Variants in DDX60 observed in about 807,000 individuals in gnomAD.
DDX60 encodes the protein DExD/H-box helicase 60, also known as probable ATP-dependent RNA helicase DDX60.
Under a neutral mutation model 212.8 loss-of-function variants are expected in DDX60, and 165 were observed. That is an observed-to-expected ratio of 0.78 (90% CI 0.68 to 0.88). DDX60 has a LOEUF of 0.88. Among genes scored for constraint, DDX60 ranks in the 40% least tolerant of loss-of-function variants. The probability of loss-of-function intolerance (pLI) is 0.00; values close to 1 mark genes in which losing one functional copy is unlikely to be tolerated. For synonymous variants in DDX60, 703 were observed against 685.3 expected (o/e 1.03, Z -0.40); for missense variants, 1,905 against 2,003.9 (o/e 0.95, Z 0.94).
At chr4:168,317,236 A>C (rs980102831) in intron 1 of DDX60, among the ~76,000 whole-genome samples, 1 of 152,024 alleles carries the variant, frequency 6.6e-6, no homozygotes, top group Non-Finnish European at 1.5e-5. Context: ...AACAGGACAC[A>C]CACATACAAA....
chr4:168,288,352 T>A (rs747240735), intron 8 of DDX60, 37 bp from the exon 9 acceptor site: 1 of 1,380,310 alleles, frequency 7.2e-7, no homozygotes, highest in East Asian at 2.5e-5. Context: ...ATTGGCAATA[T>A]TCATATTAGC....
Position 168,277,499 on chromosome 4 carries a change from G to A in DDX60, c.1979-1318C>T, listed in dbSNP as rs78509880. On this transcript the variant is annotated intron_variant, in intron 14 of 37. Coordinates refer to ENST00000393743, the MANE Select transcript of DDX60 (RefSeq NM_017631.6). ...TAAAATACAAAATTGTCCTTTTATTGGTGGTGTCAGGGATCTGAGCTAAAC... is the reference window on the plus strand; with the variant it reads ...TAAAATACAAAATTGTCCTTTTATTAGTGGTGTCAGGGATCTGAGCTAAAC... 6.0e-4 allele frequency among the ~76,000 whole-genome samples: 92 copies of A among 152,176 alleles called. 1 individual carries two copies. In the East Asian group the frequency reaches 0.015, roughly 26 times the overall value.
chr4:168,259,174 T>G (rs1560833383), intron 25 of DDX60, among the ~76,000 whole-genome samples: 1 of 152,204 alleles, frequency 6.6e-6, no homozygotes. Flanking sequence ...TCAGTCTAAT[T>G]CTGAGGCCCA....
rs1366479280 is a variant in DDX60 at position 168,287,179 on chromosome 4, G to A, written c.1208C>T (p.Thr403Ile). 1 of 1,608,348 alleles carries A rather than the reference G, an allele frequency of 6.2e-7. No homozygotes were observed. Among genetic ancestry groups the A allele is most frequent in the Non-Finnish European group, 8.5e-7 (1 of 1,177,944 alleles). The change falls in exon 10 of 38, where the codon ACC (threonine) becomes ATC (isoleucine). Residue 403 changes from threonine (T) to isoleucine (I), a missense_variant. Thr to Ile is a moderately conservative substitution (Grantham distance 89). Transcript: ENST00000393743. Reference protein sequence around the residue: ...VKGLHLNLGDTIMKDYEYLWN... With the variant: ...VKGLHLNLGDIIMKDYEYLWN... Reference sequence around the variant, plus strand: ...GAGATATTCATAATCTTTCATAATGGTATCTCCCAAATTCAAATGTAGGCC... The same window carrying A: ...GAGATATTCATAATCTTTCATAATGATATCTCCCAAATTCAAATGTAGGCC...
At chr4:168,289,564 A>G (rs1454476907) in intron 8 of DDX60, among the ~76,000 whole-genome samples, 8 of 152,186 alleles carry the variant, frequency 5.3e-5, no homozygotes, top group Admixed American at 5.2e-4. Flanking sequence ...CTAAACTTTT[A>G]TCTCCAGCCC....
intron 31 of DDX60, 96 bp downstream of exon 31, chr4:168,237,595 G>T: frequency 8.2e-7 from 1 of 1,218,064 alleles, no homozygotes; most frequent in Non-Finnish European, 1.1e-6. Flanking sequence ...TCAATCATTG[G>T]ATAGAACCTT....
At chr4:168,237,884 T>C in intron 30 of DDX60, 89 bp from the exon 31 acceptor site, 2 of 929,390 alleles carry the variant, frequency 2.2e-6, no homozygotes, top group Non-Finnish European at 3.1e-6. Context: ...TCAATATCTA[T>C]TATACCACAA....
intron 36 of DDX60, among the ~76,000 whole-genome samples, chr4:168,221,438 T>C (rs187333689): frequency 2.6e-5 from 4 of 152,284 alleles, no homozygotes; most frequent in Admixed American, 2.0e-4. Context: ...GAGTAATAAA[T>C]ACAAATATAT....
intron 33 of DDX60, among the ~76,000 whole-genome samples, chr4:168,226,760 T>G (rs879743213): frequency 1.3e-5 from 2 of 152,086 alleles, no homozygotes; most frequent in Non-Finnish European, 2.9e-5. Flanking sequence ...GGTCATTATG[T>G]TAAGTGAAAT....
chr4:168,280,484 T>G lies in DDX60; in HGVS notation c.1829A>C (p.Glu610Ala), dbSNP rs775661774. The G allele has an allele frequency of 2.5e-6, 4 of 1,614,176 alleles. No homozygotes were observed. The highest frequency in any genetic ancestry group is 3.4e-6 in the Non-Finnish European group (4 of 1,180,014). Residue 610 changes from glutamate to alanine, a missense_variant, in exon 14 of 38, where the codon GAG (glutamate) becomes GCG (alanine). Coordinates refer to ENST00000393743, the MANE Select transcript of DDX60 (RefSeq NM_017631.6). ...KWNALSFSIE[E>A]QLKENLHSGI... The stretch of plus-strand genomic sequence containing the variant: ...AGAGTGTAAATTTTCTTTCAATTGC[T>G]CTTCAATAGAAAATGACAAAGCATT...
At chr4:168,292,041 CTTT>C (rs1464964315) in intron 7 of DDX60, 135 bp from the exon 8 acceptor site, 10 of 427,004 alleles carry the variant, frequency 2.3e-5, no homozygotes, top group African/African-American at 8.7e-5. Context: ...TTCTTTCTTT[CTTT>C]CTTTCTTTTT....
chr4:168,256,241 T>C (rs1262446451), intron 25 of DDX60, among the ~76,000 whole-genome samples: 1 of 151,756 alleles, frequency 6.6e-6, no homozygotes, highest in East Asian at 1.9e-4. Context: ...TCCATTTATA[T>C]GCAGAAGACA....
intron 13 of DDX60, 132 bp downstream of exon 13, chr4:168,283,314 A>T: frequency 1.4e-6 from 1 of 740,226 alleles, no homozygotes; most frequent in Non-Finnish European, 2.2e-6. Flanking sequence ...AAGTAATCAT[A>T]TACAAAAATA....
intron 28 of DDX60, among the ~76,000 whole-genome samples, chr4:168,250,517 T>C (rs911311623): frequency 3.3e-5 from 5 of 150,140 alleles, no homozygotes; most frequent in African/African-American, 1.2e-4. Context: ...AGACAGAGGA[T>C]ATCATGACTT....
chr4:168,267,791 T>A (rs780436532), intron 21 of DDX60, 50 bp downstream of exon 21: 29 of 1,550,372 alleles, frequency 1.9e-5, no homozygotes, highest in African/African-American at 9.8e-5. Context: ...GCAGATTTTT[T>A]AAAAATAATA....
intron 12 of DDX60, 39 bp downstream of exon 12, chr4:168,284,781 G>A (rs1459735581): frequency 1.9e-6 from 2 of 1,029,012 alleles, no homozygotes; most frequent in East Asian, 5.1e-5. Context: ...AGAGAGTAAA[G>A]TAGATTTAAA....
chr4:168,324,087 A>C, the DDX60 span, among the ~76,000 whole-genome samples: 1 of 152,280 alleles, frequency 6.6e-6, no homozygotes, highest in South Asian at 2.1e-4. Flanking sequence ...AGGGGAGACC[A>C]CCTCTTTCTA....
intron 8 of DDX60, among the ~76,000 whole-genome samples, chr4:168,290,328 CTTT>C (rs547452038): frequency 3.2e-5 from 4 of 124,246 alleles, no homozygotes; most frequent in Admixed American, 1.7e-4. Context: ...CTTTTCTTTT[CTTT>C]TTTTTTTTTT....
At chr4:168,301,072 G>A (rs752444058) in intron 6 of DDX60, among the ~76,000 whole-genome samples, 8 of 152,046 alleles carry the variant, frequency 5.3e-5, no homozygotes, top group Non-Finnish European at 1.2e-4. Context: ...ACCTGCATAT[G>A]TATTCCCTGA....
Sources: allele counts gnomAD v4.1 joint callset (sites outside exome capture counted in the v4.1 genomes callset), GRCh38; gene constraint gnomAD v4.1.1; transcripts MANE v1.5; gene names NCBI Gene and HGNC (gene_info 2026-07-23, HGNC 2026-07-21).